Variants in DSE observed in about 807,000 individuals in gnomAD.
DSE encodes dermatan sulfate epimerase.
In DSE, 36 loss-of-function variants were observed where a neutral mutation model predicts 84.4. That is an observed-to-expected ratio of 0.43 (90% CI 0.33 to 0.56). The LOEUF is 0.56. Among genes scored for constraint, DSE ranks in the 20% least tolerant of loss-of-function variants. The pLI is 0.06. For missense variants in DSE, 862 were observed against 1,169.6 expected (o/e 0.74, Z 3.84); for synonymous variants, 410 against 430.1 (o/e 0.95, Z 0.58).
intron 1 of DSE, among the ~76,000 whole-genome samples, chr6:116,395,180 C>T (rs997195802): frequency 2.0e-5 from 3 of 150,970 alleles, no homozygotes; most frequent in Admixed American, 6.6e-5. Context: ...AATCCCAGCA[C>T]TTTGGGAGGC....
chr6:116,373,059 A>T (rs1315317732), intron 1 of DSE, among the ~76,000 whole-genome samples: 3 of 53,322 alleles, frequency 5.6e-5, no homozygotes, highest in Non-Finnish European at 1.1e-4. Context: ...AGGGGAATTA[A>T]AAAAAAAAAA....
At chr6:116,368,137 T>C (rs1779267721), upstream of DSE, among the ~76,000 whole-genome samples, 1 of 152,192 alleles carries the variant, frequency 6.6e-6, no homozygotes, top group Non-Finnish European at 1.5e-5. Context: ...CATCTAGGCG[T>C]AAGGGGTCAC....
rs472762 is a variant in DSE at position 116,437,632 on chromosome 6, A to G, written c.*287A>G. The G allele has an allele frequency of 0.8, 190,316 of 237,276 alleles. 77,614 individuals carry two copies. Among genetic ancestry groups the G allele is most frequent in the African/African-American group, 0.95 (42,485 of 44,726 alleles). The allele number at this position is 237,276 out of a possible 1,614,324, so 14.7% of individuals were successfully genotyped here. On this transcript the variant is annotated 3_prime_UTR_variant, in exon 6 of 6. Transcript: ENST00000644252. Reference sequence around the variant, plus strand: ...TACTTTTAGAAGAAACAAAAAGTCTATTTTTTAAAGTAATGTTTTTTCTTA... The same window carrying G: ...TACTTTTAGAAGAAACAAAAAGTCTGTTTTTTAAAGTAATGTTTTTTCTTA...
At chr6:116,391,292 A>G (rs492616) in intron 1 of DSE, among the ~76,000 whole-genome samples, 25,166 of 152,064 alleles carry the variant, frequency 0.17, 2,381 homozygotes, top group African/African-American at 0.26. Context: ...GTTGTATTTT[A>G]AGGTGGTGAA....
At chr6:116,344,007 C>T (rs978197763) in intron 2 of DSE, among the ~76,000 whole-genome samples, 9 of 151,850 alleles carry the variant, frequency 5.9e-5, no homozygotes, top group Admixed American at 2.6e-4. Flanking sequence ...CTTCAGTAGC[C>T]GATTTGATCA....
chr6:116,332,797 G>A (rs553596193), intron 2 of DSE, among the ~76,000 whole-genome samples: 3 of 152,122 alleles, frequency 2.0e-5, no homozygotes, highest in African/African-American at 7.2e-5. Flanking sequence ...TGCAAGTCTT[G>A]TGCCTGGTAT....
At chr6:116,282,854 T>C (rs1773629038) in intron 2 of DSE, among the ~76,000 whole-genome samples, 1 of 152,096 alleles carries the variant, frequency 6.6e-6, no homozygotes, top group Non-Finnish European at 1.5e-5. Flanking sequence ...AAAGAAAGAA[T>C]CTTTGCTTGG....
intron 1 of DSE, among the ~76,000 whole-genome samples, chr6:116,383,836 A>G (rs979105081): frequency 1.3e-5 from 2 of 152,224 alleles, no homozygotes; most frequent in African/African-American, 2.4e-5. Flanking sequence ...TACATAATAT[A>G]TGTAGTCTCC....
At chr6:116,412,290 T>C (rs909275926) in intron 2 of DSE, among the ~76,000 whole-genome samples, 2 of 152,112 alleles carry the variant, frequency 1.3e-5, no homozygotes, top group South Asian at 4.1e-4. Context: ...TGACAAATTA[T>C]GCTTTCCTTC....
intron 2 of DSE, among the ~76,000 whole-genome samples, chr6:116,424,698 T>C (rs1229690417): frequency 6.6e-6 from 1 of 152,054 alleles, no homozygotes; most frequent in Non-Finnish European, 1.5e-5. Flanking sequence ...AACATATACA[T>C]AGACATATTC....
chr6:116,328,195 T>C (rs1317108093), intron 2 of DSE, among the ~76,000 whole-genome samples: 1 of 152,234 alleles, frequency 6.6e-6, no homozygotes, highest in African/African-American at 2.4e-5. Context: ...ATAGAAAACA[T>C]ACAAGGTACA....
chr6:116,349,944 C>G (rs1778215169), intron 2 of DSE, among the ~76,000 whole-genome samples: 1 of 152,178 alleles, frequency 6.6e-6, no homozygotes, highest in Non-Finnish European at 1.5e-5. Context: ...TGTCTCCTCA[C>G]TTGGCCATAA....
At chr6:116,287,681 T>C (rs1346257414) in intron 2 of DSE, among the ~76,000 whole-genome samples, 1 of 152,106 alleles carries the variant, frequency 6.6e-6, no homozygotes, top group Non-Finnish European at 1.5e-5. Context: ...CATTTTTTGT[T>C]GAGGGAGACT....
chr6:116,351,165 A>T (rs947804899), intron 2 of DSE, among the ~76,000 whole-genome samples: 4 of 152,182 alleles, frequency 2.6e-5, no homozygotes, highest in African/African-American at 9.7e-5. Context: ...CAACGCCATT[A>T]TAACTTTCCT....
At chr6:116,308,178 A>G (rs1249418089) in intron 2 of DSE, among the ~76,000 whole-genome samples, 1 of 152,304 alleles carries the variant, frequency 6.6e-6, no homozygotes, top group South Asian at 2.1e-4. Flanking sequence ...CTATTAGACA[A>G]CCTGGTTGCT....
intron 2 of DSE, among the ~76,000 whole-genome samples, chr6:116,421,149 A>G (rs970151133): frequency 6.6e-6 from 1 of 152,090 alleles, no homozygotes; most frequent in Non-Finnish European, 1.5e-5. Flanking sequence ...TCAGAAAATC[A>G]ATAGCTCTTT....
At position 116,339,817 on chromosome 6, in the gene DSE, G is replaced by T. The variant is rs574171490; in HGVS notation, c.-53-59381G>T. 1.1e-4 allele frequency among the ~76,000 whole-genome samples: 16 copies of T among 152,300 alleles called. No homozygotes were observed. In the South Asian group the frequency reaches 1.4e-3, roughly 14 times the overall value. On this transcript the variant is annotated intron_variant, in intron 2 of 3. Coordinates refer to the DSE transcript ENST00000430252. ...ATTATAGAAATATGGAACAGAAGAAGAATCTCCATTCTGCATTTAGGATGT... is the reference window on the plus strand; with the variant it reads ...ATTATAGAAATATGGAACAGAAGAATAATCTCCATTCTGCATTTAGGATGT...
chr6:116,312,904 C>T (rs751897737), intron 2 of DSE, among the ~76,000 whole-genome samples: 1 of 151,964 alleles, frequency 6.6e-6, no homozygotes, highest in Non-Finnish European at 1.5e-5. Flanking sequence ...AACTACCATG[C>T]AGAAAAATAG....
chr6:116,417,046 T>G (rs183829113), intron 2 of DSE, among the ~76,000 whole-genome samples: 276 of 152,320 alleles, frequency 1.8e-3, no homozygotes, highest in African/African-American at 5.7e-3. Flanking sequence ...CTTTAAGAAT[T>G]TGTCATTAGA....
Sources: allele counts gnomAD v4.1 joint callset (sites outside exome capture counted in the v4.1 genomes callset), GRCh38; gene constraint gnomAD v4.1.1; transcripts MANE v1.5; gene names NCBI Gene and HGNC (gene_info 2026-07-23, HGNC 2026-07-21).